The following GLIS3 variants were observed in gnomAD, a reference collection of about 807,000 sequenced individuals.
GLIS3 encodes GLIS family zinc finger 3, also known as zinc finger protein GLIS3.
A neutral mutation model predicts 78.6 loss-of-function variants in GLIS3; 53 were observed. That is an observed-to-expected ratio of 0.67 (90% CI 0.54 to 0.85). GLIS3 has a LOEUF of 0.85. Among genes scored for constraint, GLIS3 ranks in the 40% least tolerant of loss-of-function variants. The pLI is 0.00. For missense variants in GLIS3, 1,703 were observed against 1,231.1 expected, an observed-to-expected ratio of 1.38 and a Z score of -5.74; for synonymous variants, 684 against 509.9, an observed-to-expected ratio of 1.34 and a Z score of -4.60.
intron 4 of GLIS3, among the ~76,000 whole-genome samples, chr9:4,116,838 T>C (rs1831682021): frequency 6.6e-6 from 1 of 152,184 alleles, no homozygotes; most frequent in East Asian, 1.9e-4. Flanking sequence ...CCATCTAAAC[T>C]AATATAAAAC....
chr9:4,459,443 G>T, the GLIS3 span, among the ~76,000 whole-genome samples: 1 of 152,154 alleles, frequency 6.6e-6, no homozygotes, highest in Admixed American at 6.6e-5. Flanking sequence ...GAAAACGAGA[G>T]TGGTATCCCA....
At chr9:3,879,201 G>C (rs1214167913) in intron 8 of GLIS3, among the ~76,000 whole-genome samples, 1 of 152,166 alleles carries the variant, frequency 6.6e-6, no homozygotes, top group African/African-American at 2.4e-5. Context: ...CTGAAACTTT[G>C]GCTGGCTATT....
At chr9:3,992,959 C>G (rs1379302391) in intron 4 of GLIS3, among the ~76,000 whole-genome samples, 1 of 152,190 alleles carries the variant, frequency 6.6e-6, no homozygotes, top group African/African-American at 2.4e-5. Flanking sequence ...GGGTGTTTTT[C>G]TTGTGTGACA....
At chr9:4,292,652 C>T (rs1412824188) in intron 1 of GLIS3, among the ~76,000 whole-genome samples, 1 of 152,184 alleles carries the variant, frequency 6.6e-6, no homozygotes, top group Admixed American at 6.5e-5. Context: ...CAGTAAGTAT[C>T]AATTGATCAA....
In GLIS3 at chr9:4,261,418, G is replaced by A. The variant is rs1009877773; in HGVS notation, c.388+24620C>T. Among the ~76,000 whole-genome samples the A allele has an allele frequency of 2.6e-5, 4 of 152,192 alleles. No homozygotes were observed. In the East Asian group the frequency reaches 7.7e-4, roughly 29 times the overall value. ...TACAGATTAAGATAAAAAGAGAACA[G>A]AAGGGATGGTGAAAGTATGAATGGA... On this transcript the variant is annotated intron_variant, in intron 2 of 10. Transcript: ENST00000381971.
intron 2 of GLIS3, among the ~76,000 whole-genome samples, chr9:4,202,135 T>G (rs1250766781): frequency 1.5e-5 from 2 of 135,162 alleles, no homozygotes; most frequent in Non-Finnish European, 3.1e-5. Context: ...AAGACTCTTT[T>G]TTTTCTCCCC....
chr9:3,916,162 G>A (rs1409753582), intron 6 of GLIS3, among the ~76,000 whole-genome samples: 1 of 152,152 alleles, frequency 6.6e-6, no homozygotes, highest in Non-Finnish European at 1.5e-5. Flanking sequence ...AAACCCAAGA[G>A]TCTGTTGACA....
chr9:4,422,222 G>A, the GLIS3 span, among the ~76,000 whole-genome samples: 1 of 152,126 alleles, frequency 6.6e-6, no homozygotes, highest in Non-Finnish European at 1.5e-5. Flanking sequence ...CAGTATAATT[G>A]GTCTTCTTCA....
chr9:4,391,431 T>C, the GLIS3 span, among the ~76,000 whole-genome samples: 3 of 152,210 alleles, frequency 2.0e-5, no homozygotes, highest in African/African-American at 7.2e-5. Context: ...AGACTTTTTT[T>C]CTGAGCCTGT....
chr9:4,413,707 G>A, the GLIS3 span, among the ~76,000 whole-genome samples: 1 of 151,862 alleles, frequency 6.6e-6, no homozygotes, highest in Non-Finnish European at 1.5e-5. Context: ...TCCCTAACAC[G>A]GGGGACTCAT....
intron 1 of GLIS3, among the ~76,000 whole-genome samples, chr9:4,295,028 C>G (rs1226093287): frequency 6.6e-6 from 1 of 152,146 alleles, no homozygotes; most frequent in Non-Finnish European, 1.5e-5. Context: ...CTAGTCTTTT[C>G]CTTTCTCTAC....
At chr9:4,374,558 T>A in the GLIS3 span, among the ~76,000 whole-genome samples, 1 of 152,272 alleles carries the variant, frequency 6.6e-6, no homozygotes, top group African/African-American at 2.4e-5. Context: ...ACATGGCGGC[T>A]GTCTCTCTCA....
the GLIS3 span, among the ~76,000 whole-genome samples, chr9:4,361,094 C>G: frequency 6.6e-6 from 1 of 152,230 alleles, no homozygotes; most frequent in Non-Finnish European, 1.5e-5. Context: ...TGCTGTGGAA[C>G]ACCTTTGGTC....
At chr9:4,330,375 A>G (rs966803401) in intron 2 of GLIS3, among the ~76,000 whole-genome samples, 1 of 152,272 alleles carries the variant, frequency 6.6e-6, no homozygotes, top group Non-Finnish European at 1.5e-5. Context: ...TGGCACTGCT[A>G]AAACCTTTCC....
At chr9:4,099,667 A>G (rs1475604290) in intron 4 of GLIS3, among the ~76,000 whole-genome samples, 2 of 152,182 alleles carry the variant, frequency 1.3e-5, no homozygotes, top group Non-Finnish European at 1.5e-5. Flanking sequence ...GTCCTGCTCC[A>G]AAATGCGGTT....
At chr9:4,289,632 C>T (rs754870340) in intron 1 of GLIS3, among the ~76,000 whole-genome samples, 12 of 151,962 alleles carry the variant, frequency 7.9e-5, no homozygotes, top group Non-Finnish European at 1.5e-4. Context: ...TGTTCTCCAT[C>T]GAACTACTCT....
In GLIS3 at chr9:4,118,142, CG is replaced by C; in HGVS notation, c.1335del (p.Ala446ArgfsTer110). ...GGCGGCAGAGGAGGGAGCGGAGGCG[CG>C]GGGGGTAGGTCTACGGTGCTGCCCG... ...EFPGSTVDLP[P>X]APPLPPLPPP... On this transcript the variant is annotated frameshift_variant, in exon 4 of 11. Coordinates refer to ENST00000381971, the MANE Select transcript of GLIS3 (RefSeq NM_001042413.2). LOFTEE classifies it high-confidence loss of function. This position sits in a 1 kb window ranked among gnomAD's most constrained non-coding sequence, Gnocchi z 4.7. 1 of 1,546,378 alleles carries C rather than the reference CG, an allele frequency of 6.5e-7. No homozygotes were observed. The highest frequency in any genetic ancestry group is 8.7e-7 in the Non-Finnish European group (1 of 1,145,102).
the GLIS3 span, among the ~76,000 whole-genome samples, chr9:4,473,210 A>G: frequency 6.6e-6 from 1 of 152,156 alleles, no homozygotes; most frequent in African/African-American, 2.4e-5. Context: ...CATATACACC[A>G]TGGAATGGAA....
chr9:4,356,278 G>C, the GLIS3 span, among the ~76,000 whole-genome samples: 4 of 152,316 alleles, frequency 2.6e-5, no homozygotes, highest in East Asian at 5.8e-4. Flanking sequence ...CAATTTAGGA[G>C]GACTGGGGAC....
Sources: gnomAD v4.1 joint callset for allele counts (sites outside exome capture counted in the v4.1 genomes callset) on GRCh38, gnomAD v4.1.1 for gene constraint, Gnocchi (gnomAD v3.1) non-coding constraint, MANE v1.5 for transcripts, NCBI Gene and HGNC (gene_info 2026-07-23, HGNC 2026-07-21) for gene names.